N4BP2: variants seen among roughly 807,000 people sequenced by gnomAD.
The protein encoded by N4BP2 is NEDD4 binding protein 2.
N4BP2 carries 91 observed loss-of-function variants against 152.8 expected under a neutral mutation model. The observed-to-expected ratio is 0.60, with a 90% CI of 0.50 to 0.71. The LOEUF (loss-of-function observed/expected upper bound fraction) is 0.71. Among genes scored for constraint, N4BP2 ranks in the 30% least tolerant of loss-of-function variants. The pLI is 0.00. For missense variants in N4BP2, 1,923 were observed against 2,059.1 expected, an observed-to-expected ratio of 0.93 and a Z score of 1.28; for synonymous variants, 646 against 705.3, an observed-to-expected ratio of 0.92 and a Z score of 1.33.
At chr4:40,163,206 A>G (rs988675954), downstream of N4BP2, among the ~76,000 whole-genome samples, 1 of 152,244 alleles carries the variant, frequency 6.6e-6, no homozygotes, top group African/African-American at 2.4e-5. Flanking sequence ...GGAAGCCATT[A>G]TGTTTACTAT....
intron 14 of N4BP2, 106 bp downstream of exon 14, chr4:40,137,188 C>T (rs1719486979): frequency 1.1e-6 from 1 of 946,802 alleles, no homozygotes; most frequent in Non-Finnish European, 1.5e-6. Context: ...ACCATTTTGA[C>T]TAGACTGGAA....
At chr4:40,151,369 G>T (rs562205901) in intron 16 of N4BP2, among the ~76,000 whole-genome samples, 1 of 152,014 alleles carries the variant, frequency 6.6e-6, no homozygotes, top group African/African-American at 2.4e-5. Flanking sequence ...CCTCCCAGGT[G>T]CAACCCATCC....
At position 40,154,307 on chromosome 4, in the gene N4BP2, T is replaced by A; in HGVS notation, c.*70T>A. On this transcript the variant is annotated 3_prime_UTR_variant, in exon 18 of 18. Coordinates refer to ENST00000261435, the MANE Select transcript of N4BP2 (RefSeq NM_018177.6). ...ATTACTTTTATTTGCAGTAATTCAG[T>A]CAATTCTACCCTAAAGATGTGTTTT... is the stretch of plus-strand genomic sequence containing the variant. 1.1e-6 allele frequency: 1 copy of A among 933,134 alleles called. No individual in the cohort carries two copies. Among genetic ancestry groups the A allele is most frequent in the Non-Finnish European group, 1.7e-6 (1 of 600,676 alleles). The allele number at this position is 933,134 out of a possible 1,614,324, so 57.8% of individuals were successfully genotyped here. A position where few individuals can be genotyped will look rare whatever the true frequency, so the allele number is the denominator to read the frequency against.
intron 2 of N4BP2, among the ~76,000 whole-genome samples, chr4:40,090,080 G>A (rs1398450271): frequency 6.6e-6 from 1 of 152,082 alleles, no homozygotes; most frequent in African/African-American, 2.4e-5. Context: ...AAATCAGTCA[G>A]GCACACTTAT....
At chr4:40,126,385 T>C in intron 12 of N4BP2, 55 bp downstream of exon 12, 5 of 824,436 alleles carry the variant, frequency 6.1e-6, no homozygotes, top group Non-Finnish European at 8.9e-6. Flanking sequence ...TTATTGTGTA[T>C]GTTTACTTTG....
chr4:40,113,523 C>CTAGG lies in N4BP2; in HGVS notation c.1664+17_1664+18insGGTA. 6.3e-7 allele frequency: 1 copy of CTAGG among 1,582,692 alleles called. No homozygotes were observed. Among genetic ancestry groups the CTAGG allele is most frequent in the Non-Finnish European group, 8.7e-7 (1 of 1,152,360 alleles). On this transcript the variant is annotated intron_variant, in intron 7 of 17. Transcript: ENST00000261435. ...GAACTTGCAAGGTAAAACTTGGAGG[C>CTAGG]TACCTAACATGCTTTTTATGTAACG...
At chr4:40,141,484 C>G (rs1444217595) in intron 14 of N4BP2, among the ~76,000 whole-genome samples, 2 of 135,736 alleles carry the variant, frequency 1.5e-5, no homozygotes, top group Admixed American at 7.4e-5. Flanking sequence ...ACATCTCAGA[C>G]GATGGGCGGC....
intron 16 of N4BP2, among the ~76,000 whole-genome samples, chr4:40,145,049 G>A (rs1350484221): frequency 6.6e-6 from 1 of 152,116 alleles, no homozygotes; most frequent in Non-Finnish European, 1.5e-5. Context: ...TGTAATCTGC[G>A]AATCCTCTCT....
chr4:40,108,535 T>TG (rs1364048812), intron 5 of N4BP2, among the ~76,000 whole-genome samples: 1 of 151,554 alleles, frequency 6.6e-6, no homozygotes, highest in African/African-American at 2.4e-5. Context: ...AGGCTGGTCT[T>TG]GAACACCTGA....
the N4BP2 span, among the ~76,000 whole-genome samples, chr4:40,174,742 C>T: frequency 6.6e-6 from 1 of 152,064 alleles, no homozygotes; most frequent in South Asian, 2.1e-4. Flanking sequence ...GCAGGGGTTG[C>T]AGTGAGCCGA....
Position 40,120,230 on chromosome 4 carries a change from G to A in N4BP2, c.2119G>A (p.Ala707Thr). 6.2e-7 allele frequency: 1 copy of A among 1,613,806 alleles called. No homozygotes were observed. Among genetic ancestry groups the A allele is most frequent in the Admixed American group, 1.7e-5 (1 of 60,000 alleles). ...TGAAAACGAGCAAATAGAAATGGTG[G>A]CTGTAAAAGGGTATAGTAAAACTGA... is the stretch of plus-strand genomic sequence containing the variant. ...KSENEQIEMV[A>T]VKGYSKTDTD... Residue 707 changes from alanine to threonine, a missense_variant, in exon 9 of 18, where the codon GCT (alanine) becomes ACT (threonine). By Grantham distance (58) the Ala-to-Thr change is moderately conservative. Transcript: ENST00000261435.
chr4:40,109,795 A>G lies in N4BP2; in HGVS notation c.1499-2289A>G, dbSNP rs551865428. ...TAATATATGTTAATAGGCGGAATTC[A>G]TTTTAAAACTGCTTTGTTAAGACAA... On this transcript the variant is annotated intron_variant, in intron 5 of 17. Transcript: ENST00000261435. 4.6e-5 allele frequency among the ~76,000 whole-genome samples: 7 copies of G among 152,286 alleles called. No individual in the cohort carries two copies. In the South Asian group the frequency reaches 1.5e-3, roughly 32 times the overall value.
At chr4:40,091,602 CTTTT>C (rs35142277) in intron 2 of N4BP2, among the ~76,000 whole-genome samples, 1 of 80,470 alleles carries the variant, frequency 1.2e-5, no homozygotes, top group Non-Finnish European at 2.4e-5. Flanking sequence ...GTATACAATC[CTTTT>C]TTTTTTTTTT....
chr4:40,139,317 C>T (rs964208170), intron 14 of N4BP2, among the ~76,000 whole-genome samples: 5 of 152,018 alleles, frequency 3.3e-5, no homozygotes, highest in Admixed American at 6.5e-5. Flanking sequence ...AGACTGGTTT[C>T]AACTCCTGGG....
At chr4:40,143,453 A>G (rs1720235160) in intron 15 of N4BP2, among the ~76,000 whole-genome samples, 1 of 152,106 alleles carries the variant, frequency 6.6e-6, no homozygotes, top group Non-Finnish European at 1.5e-5. Context: ...AGCTGGGACT[A>G]CAGGCACGTG....
At chr4:40,179,759 C>CTTTTTTT in the N4BP2 span, among the ~76,000 whole-genome samples, 2 of 109,132 alleles carry the variant, frequency 1.8e-5, no homozygotes, top group African/African-American at 3.4e-5. Context: ...TAAAGCCTTT[C>CTTTTTTT]TTTTTTTTTT....
rs1715782892 is a variant in N4BP2 at position 40,102,588 on chromosome 4, C to G, written c.743C>G (p.Ser248Cys). The G allele has an allele frequency of 1.9e-6, 3 of 1,614,024 alleles. No individual in the cohort carries two copies. The highest frequency in any genetic ancestry group is 1.6e-4 in the Middle Eastern group (1 of 6,084). Residue 248 changes from serine (S) to cysteine (C), a missense_variant, in exon 4 of 18, where the codon TCT (serine) becomes TGT (cysteine). By Grantham distance (112) the Ser-to-Cys change is moderately radical. Transcript: ENST00000261435. ...CCGGAAGATTCTCTTCTCAGTAGTT[C>G]TTTAAATGTAGCAAGTGACTCCATC... ...NYPEDSLLSS[S>C]LNVASDSIAG...
chr4:40,122,862 AT>A (rs1174784538), intron 9 of N4BP2, among the ~76,000 whole-genome samples: 1 of 152,370 alleles, frequency 6.6e-6, no homozygotes, highest in East Asian at 1.9e-4. Flanking sequence ...ATAGAAATGA[AT>A]AAAGTAAACA....
intron 1 of N4BP2, among the ~76,000 whole-genome samples, chr4:40,061,139 C>T (rs545100010): frequency 6.6e-6 from 1 of 151,860 alleles, no homozygotes; most frequent in Non-Finnish European, 1.5e-5. Context: ...AAACTTTATG[C>T]AAGCCCCAGA....
Sources: gnomAD v4.1 joint callset for allele counts (sites outside exome capture counted in the v4.1 genomes callset) on GRCh38, gnomAD v4.1.1 for gene constraint, MANE v1.5 for transcripts, NCBI Gene and HGNC (gene_info 2026-07-23, HGNC 2026-07-21) for gene names.